Variants in DLG2 observed in about 807,000 individuals in gnomAD.
DLG2 encodes the protein disks large homolog 2.
A neutral mutation model predicts 132.5 loss-of-function variants in DLG2; 45 were observed. The observed-to-expected ratio is 0.34, with a 90% CI of 0.27 to 0.44. DLG2 has a LOEUF of 0.44. Ranked by LOEUF, DLG2 falls within the 20% of genes least tolerant of loss-of-function variation. The pLI is 1.00. For synonymous variants in DLG2, 424 were observed against 419.6 expected, an observed-to-expected ratio of 1.01 and a Z score of -0.13; for missense variants, 1,045 against 1,196.9, an observed-to-expected ratio of 0.87 and a Z score of 1.87.
chr11:84,978,252 G>A (rs1452444412), intron 6 of DLG2, among the ~76,000 whole-genome samples: 1 of 151,918 alleles, frequency 6.6e-6, no homozygotes, highest in Non-Finnish European at 1.5e-5. Flanking sequence ...TAAAAACTAG[G>A]CTTTTCATCC....
chr11:84,651,087 C>T (rs2099681527), intron 6 of DLG2, among the ~76,000 whole-genome samples: 1 of 151,478 alleles, frequency 6.6e-6, no homozygotes. Context: ...AGCTATTTGA[C>T]TTTGTTGACT....
intron 12 of DLG2, among the ~76,000 whole-genome samples, chr11:83,980,211 GAAGAGA>G (rs2092661182): frequency 6.6e-6 from 1 of 152,102 alleles, no homozygotes; most frequent in African/African-American, 2.4e-5. Flanking sequence ...GGCTTTGTAA[GAAGAGA>G]AAGAGAGAGA....
chr11:85,295,743 A>G (rs946954039), intron 3 of DLG2, among the ~76,000 whole-genome samples: 4 of 152,170 alleles, frequency 2.6e-5, no homozygotes, highest in African/African-American at 9.6e-5. Context: ...ATGGAAAGAA[A>G]ATCAAACCTA....
chr11:85,324,372 A>G (rs888679138), intron 3 of DLG2, among the ~76,000 whole-genome samples: 3 of 152,088 alleles, frequency 2.0e-5, no homozygotes, highest in African/African-American at 7.2e-5. Context: ...TTCTATCACC[A>G]TTATATCCTT....
chr11:84,583,830 C>T (rs919903697), intron 6 of DLG2, among the ~76,000 whole-genome samples: 1 of 151,976 alleles, frequency 6.6e-6, no homozygotes, highest in African/African-American at 2.4e-5. Flanking sequence ...ATATCATTTT[C>T]CTTGACTTGC....
At chr11:84,040,418 C>A (rs1253884062) in intron 11 of DLG2, among the ~76,000 whole-genome samples, 1 of 151,012 alleles carries the variant, frequency 6.6e-6, no homozygotes, top group Non-Finnish European at 1.5e-5. Flanking sequence ...GGAAGGGATC[C>A]AGTTTCAGCT....
At chr11:83,882,244 G>GA (rs2066479431) in intron 15 of DLG2, among the ~76,000 whole-genome samples, 1 of 152,058 alleles carries the variant, frequency 6.6e-6, no homozygotes, top group Admixed American at 6.5e-5. Context: ...GAAAATTCCA[G>GA]AAAAAATCTT....
chr11:85,199,669 A>AG (rs1299366683), intron 4 of DLG2, among the ~76,000 whole-genome samples: 1 of 152,210 alleles, frequency 6.6e-6, no homozygotes, highest in Non-Finnish European at 1.5e-5. Context: ...TTTGGAAAGT[A>AG]CCATTGATGA....
At chr11:85,353,087 A>G in intron 3 of DLG2, among the ~76,000 whole-genome samples, 1 of 152,232 alleles carries the variant, frequency 6.6e-6, no homozygotes, top group East Asian at 1.9e-4. Context: ...CAATCTACCC[A>G]TCTGACAAAG....
chr11:84,323,112 C>G (rs2098413600), intron 7 of DLG2, among the ~76,000 whole-genome samples: 2 of 152,052 alleles, frequency 1.3e-5, no homozygotes, highest in East Asian at 1.9e-4. Flanking sequence ...GTGCTTTTAA[C>G]TATAAGCACA....
intron 19 of DLG2, among the ~76,000 whole-genome samples, chr11:83,614,402 C>T (rs1325965333): frequency 1.3e-5 from 2 of 152,154 alleles, no homozygotes; most frequent in Non-Finnish European, 2.9e-5. Flanking sequence ...GCATGGGCAA[C>T]TGCAGCGTGC....
At chr11:84,710,588 G>A (rs181470833) in intron 6 of DLG2, among the ~76,000 whole-genome samples, 1 of 151,912 alleles carries the variant, frequency 6.6e-6, no homozygotes, top group African/African-American at 2.4e-5. Flanking sequence ...ATGATGCAGT[G>A]ATATCATTAA....
At chr11:84,894,857 G>A (rs1479116769) in intron 6 of DLG2, among the ~76,000 whole-genome samples, 1 of 151,686 alleles carries the variant, frequency 6.6e-6, no homozygotes. Context: ...TTATGTCAGT[G>A]TCTTTCACCA....
intron 6 of DLG2, among the ~76,000 whole-genome samples, chr11:84,840,219 G>C (rs1173047795): frequency 6.6e-6 from 1 of 152,152 alleles, no homozygotes; most frequent in African/African-American, 2.4e-5. Context: ...CGTTTATGCA[G>C]CCAACAGACA....
At chr11:83,630,722 G>T (rs371664152) in intron 19 of DLG2, among the ~76,000 whole-genome samples, 1 of 152,126 alleles carries the variant, frequency 6.6e-6, no homozygotes, top group African/African-American at 2.4e-5. Flanking sequence ...TATGGGACTG[G>T]GGGTAGGAGA....
At chr11:84,217,073 T>G (rs2154318815) in intron 8 of DLG2, among the ~76,000 whole-genome samples, 1 of 152,298 alleles carries the variant, frequency 6.6e-6, no homozygotes, top group East Asian at 1.9e-4. Context: ...AGCAGAATGT[T>G]TCCTAAAACT....
intron 4 of DLG2, among the ~76,000 whole-genome samples, chr11:85,248,514 T>C (rs1019418468): frequency 3.7e-4 from 56 of 152,042 alleles, no homozygotes; most frequent in African/African-American, 1.2e-3. Context: ...TGGCCAGCCA[T>C]GTCTCATGAA....
At chr11:84,821,667 AC>A (rs2153983914) in intron 6 of DLG2, among the ~76,000 whole-genome samples, 1 of 151,496 alleles carries the variant, frequency 6.6e-6, no homozygotes, top group African/African-American at 2.4e-5. Context: ...AAACAAAAAA[AC>A]AACTTTGGTT....
chr11:84,687,287 A>G (rs1271713155), intron 6 of DLG2: 2 of 151,820 alleles, frequency 1.3e-5, no homozygotes, highest in African/African-American at 4.9e-5. Context: ...CCTGTAAAAC[A>G]TAACGACATA....
Sources: gnomAD v4.1 joint callset for allele counts (sites outside exome capture counted in the v4.1 genomes callset) on GRCh38, gnomAD v4.1.1 for gene constraint, MANE v1.5 for transcripts, NCBI Gene and HGNC (gene_info 2026-07-23, HGNC 2026-07-21) for gene names.